Variants in RABGAP1L observed in about 807,000 individuals in gnomAD.
RABGAP1L encodes the protein RAB GTPase activating protein 1 like, also known as rab GTPase-activating protein 1-like.
Under a neutral mutation model 137.7 loss-of-function variants are expected in RABGAP1L, and 63 were observed. That is an observed-to-expected ratio of 0.46 (90% CI 0.37 to 0.56). RABGAP1L has a LOEUF of 0.56. Among genes scored for constraint, RABGAP1L ranks in the 20% least tolerant of loss-of-function variants. The pLI, the probability that RABGAP1L is intolerant of heterozygous loss-of-function variation, is 0.00. For synonymous variants in RABGAP1L, 431 were observed against 433.7 expected, an observed-to-expected ratio of 0.99 and a Z score of 0.08; for missense variants, 1,095 against 1,244.0, an observed-to-expected ratio of 0.88 and a Z score of 1.80.
At chr1:174,204,580 A>G (rs1487544118) in intron 1 of RABGAP1L, among the ~76,000 whole-genome samples, 1 of 152,154 alleles carries the variant, frequency 6.6e-6, no homozygotes, top group African/African-American at 2.4e-5. Context: ...TTCCTTCAGT[A>G]CATAGTTTAC....
chr1:174,964,921 C>T, intron 20 of RABGAP1L: 2 of 1,467,798 alleles, frequency 1.4e-6, no homozygotes, highest in Non-Finnish European at 1.8e-6. Flanking sequence ...ATTGGATATT[C>T]TTTTTTTTTA....
intron 18 of RABGAP1L, among the ~76,000 whole-genome samples, chr1:174,762,556 G>C (rs1215734873): frequency 6.6e-6 from 1 of 152,160 alleles, no homozygotes; most frequent in Non-Finnish European, 1.5e-5. Context: ...GCATACTTGG[G>C]ACTGATACCT....
At chr1:174,986,478 G>A (rs1327253170) in intron 24 of RABGAP1L, among the ~76,000 whole-genome samples, 1 of 152,114 alleles carries the variant, frequency 6.6e-6, no homozygotes, top group Non-Finnish European at 1.5e-5. Flanking sequence ...ATAAACTCAG[G>A]GTCTGTTAGT....
chr1:174,340,843 G>A (rs565852999), intron 11 of RABGAP1L, among the ~76,000 whole-genome samples: 117 of 152,170 alleles, frequency 7.7e-4, no homozygotes, highest in Non-Finnish European at 1.5e-3. Context: ...TTCGGGAATT[G>A]CCACATTGTC....
At chr1:174,277,818 A>G (rs547951162) in intron 9 of RABGAP1L, among the ~76,000 whole-genome samples, 3 of 152,118 alleles carry the variant, frequency 2.0e-5, no homozygotes, top group Admixed American at 6.6e-5. Context: ...CAGGTCAAGT[A>G]TAATGTCTAA....
chr1:174,966,397 G>T (rs1669626830), intron 20 of RABGAP1L, among the ~76,000 whole-genome samples: 1 of 152,174 alleles, frequency 6.6e-6, no homozygotes. Context: ...AATATGTCAT[G>T]TTGAAATTGT....
chr1:174,912,673 TTGTC>T (rs1463424883), intron 19 of RABGAP1L, among the ~76,000 whole-genome samples: 1 of 152,192 alleles, frequency 6.6e-6, no homozygotes, highest in Admixed American at 6.5e-5. Flanking sequence ...CTCTTTTAGA[TTGTC>T]AGAAAGGGAT....
intron 14 of RABGAP1L, among the ~76,000 whole-genome samples, chr1:174,648,327 C>T (rs2148379191): frequency 6.6e-6 from 1 of 152,210 alleles, no homozygotes; most frequent in South Asian, 2.1e-4. Flanking sequence ...TTCTCATTTT[C>T]TGATGTGGGG....
chr1:174,859,998 C>G (rs1650020455), intron 19 of RABGAP1L, among the ~76,000 whole-genome samples: 1 of 125,284 alleles, frequency 8.0e-6, no homozygotes, highest in Non-Finnish European at 1.6e-5. Flanking sequence ...AAGAGCCTCA[C>G]TATCTAAGCT....
chr1:174,665,707 C>T (rs186685260), intron 14 of RABGAP1L, among the ~76,000 whole-genome samples: 5 of 152,296 alleles, frequency 3.3e-5, no homozygotes, highest in African/African-American at 7.2e-5. Flanking sequence ...TCAGGTGATC[C>T]GCCTGCCTTG....
intron 13 of RABGAP1L, among the ~76,000 whole-genome samples, chr1:174,451,875 G>A (rs151164745): frequency 2.6e-5 from 4 of 152,050 alleles, no homozygotes; most frequent in Non-Finnish European, 2.9e-5. Context: ...GTTTACTTTT[G>A]TTATTTCCCT....
intron 19 of RABGAP1L, among the ~76,000 whole-genome samples, chr1:174,850,946 G>C (rs1168486062): frequency 6.6e-6 from 1 of 152,222 alleles, no homozygotes; most frequent in Non-Finnish European, 1.5e-5. Context: ...GCTGAGGGCA[G>C]CTCCCAGCTG....
intron 19 of RABGAP1L, among the ~76,000 whole-genome samples, chr1:174,952,932 G>A (rs528535116): frequency 6.6e-5 from 10 of 151,512 alleles, no homozygotes; most frequent in Admixed American, 2.0e-4. Flanking sequence ...GGAGGCTGAG[G>A]AGGGCAGATC....
chr1:174,976,780 C>T (rs1670680299), intron 22 of RABGAP1L, among the ~76,000 whole-genome samples: 1 of 152,198 alleles, frequency 6.6e-6, no homozygotes, highest in South Asian at 2.1e-4. Flanking sequence ...GGCTAATTAG[C>T]CAGAAAATGC....
intron 1 of RABGAP1L, among the ~76,000 whole-genome samples, chr1:174,178,358 G>T (rs932628946): frequency 2.0e-5 from 3 of 152,138 alleles, no homozygotes; most frequent in Non-Finnish European, 4.4e-5. Flanking sequence ...TCAGCTTAAG[G>T]AGTTTTTGGG....
intron 13 of RABGAP1L, among the ~76,000 whole-genome samples, chr1:174,522,210 G>T (rs1483932481): frequency 1.3e-5 from 2 of 152,154 alleles, no homozygotes; most frequent in African/African-American, 4.8e-5. Context: ...AAATATAGTT[G>T]CCAGGACTGT....
At chr1:174,862,664 A>G (rs1186194582) in intron 19 of RABGAP1L, among the ~76,000 whole-genome samples, 5 of 151,966 alleles carry the variant, frequency 3.3e-5, no homozygotes, top group Admixed American at 3.3e-4. Context: ...CTGTTCCCTA[A>G]TTTTTCATTC....
At chr1:174,478,449 A>T (rs990539020) in intron 13 of RABGAP1L, among the ~76,000 whole-genome samples, 50 of 150,560 alleles carry the variant, frequency 3.3e-4, no homozygotes, top group African/African-American at 7.3e-4. Flanking sequence ...TAAAAAAAAA[A>T]TTTTTTTTTA....
chr1:174,423,042 A>C (rs1007608473), intron 13 of RABGAP1L, among the ~76,000 whole-genome samples: 1 of 151,948 alleles, frequency 6.6e-6, no homozygotes, highest in Non-Finnish European at 1.5e-5. Context: ...AAAATGTTTC[A>C]TAAATATAAT....
Sources: allele counts gnomAD v4.1 joint callset (sites outside exome capture counted in the v4.1 genomes callset), GRCh38; gene constraint gnomAD v4.1.1; transcripts MANE v1.5; gene names NCBI Gene and HGNC (gene_info 2026-07-23, HGNC 2026-07-21).